Variants in RASGEF1A observed in about 807,000 individuals in gnomAD.
RASGEF1A encodes the protein ras-GEF domain-containing family member 1A.
Under a neutral mutation model 56.4 loss-of-function variants are expected in RASGEF1A, and 18 were observed. The ratio of observed to expected loss-of-function variants is 0.32; its 90% CI spans 0.22 to 0.47. RASGEF1A has a LOEUF of 0.47. Among genes scored for constraint, RASGEF1A ranks in the 20% least tolerant of loss-of-function variants. RASGEF1A has a pLI of 1.00. For missense variants in RASGEF1A, 422 were observed against 627.1 expected (o/e 0.67, Z 3.49); for synonymous variants, 245 against 242.6 (o/e 1.01, Z -0.09).
intron 2 of RASGEF1A, chr10:43,203,657 C>T: frequency 1.6e-6 from 2 of 1,220,732 alleles, no homozygotes; most frequent in Non-Finnish European, 1.1e-6. Context: ...CTCTCCCAGG[C>T]CTCCTAGCAG....
In RASGEF1A at chr10:43,197,062, A is replaced by C. The variant is rs75146387; in HGVS notation, c.1262T>G (p.Met421Arg). 2.9e-4 allele frequency: 468 copies of C among 1,613,994 alleles called. 2 individuals are homozygous for C. The African/African-American group carries it at 5.8e-3, about 20-fold the overall frequency. ...AGGACACTCTACCTGTGTCCATGTCATGAACTCATGGATCTGTCTGGAGAT... is the reference window on the plus strand; with the variant it reads ...AGGACACTCTACCTGTGTCCATGTCCTGAACTCATGGATCTGTCTGGAGAT... ...WEISRQIHEF[M>R]TWTQVECPFE... The change falls in exon 11 of 13, where the codon ATG (methionine) becomes AGG (arginine). Residue 421 changes from methionine (M) to arginine (R), a missense_variant. This residue lies in a region of RASGEF1A where 149 missense variants were observed against 287.2 expected (regional missense o/e 0.52). Transcript: ENST00000395810.
intron 1 of RASGEF1A, among the ~76,000 whole-genome samples, chr10:43,238,423 CT>C (rs1224963447): frequency 6.6e-6 from 1 of 152,230 alleles, no homozygotes; most frequent in Non-Finnish European, 1.5e-5. Context: ...AACTGCAGTA[CT>C]TTAGATAGCT....
chr10:43,250,064 A>G (rs1016085882), intron 1 of RASGEF1A, among the ~76,000 whole-genome samples: 2 of 152,202 alleles, frequency 1.3e-5, no homozygotes, highest in African/African-American at 4.8e-5. Flanking sequence ...AGCTGGCAAA[A>G]GCCCTTCACC....
chr10:43,198,849 C>G, intron 9 of RASGEF1A, 84 bp downstream of exon 9: 3 of 1,280,476 alleles, frequency 2.3e-6, no homozygotes, highest in Non-Finnish European at 3.4e-6. Context: ...GGCAGCCCCC[C>G]ACCCCCACTG....
chr10:43,203,123 C>T (rs1158796111), intron 3 of RASGEF1A, among the ~76,000 whole-genome samples, 175 bp downstream of exon 3: 1 of 148,274 alleles, frequency 6.7e-6, no homozygotes, highest in East Asian at 2.0e-4. Context: ...TGACCCCACC[C>T]CCTGGCCCCA....
At chr10:43,248,047 A>G (rs1448506853) in intron 1 of RASGEF1A, among the ~76,000 whole-genome samples, 1 of 114,002 alleles carries the variant, frequency 8.8e-6, no homozygotes, top group Non-Finnish European at 1.8e-5. Flanking sequence ...TTTATAAAAA[A>G]TAAGATTAAA....
intron 1 of RASGEF1A, among the ~76,000 whole-genome samples, chr10:43,233,682 T>C (rs1840398802): frequency 2.6e-5 from 4 of 152,154 alleles, no homozygotes; most frequent in African/African-American, 9.7e-5. Context: ...CAGGGTCAGC[T>C]GGTGCAGCCA....
rs781316521 is a variant in RASGEF1A at position 43,200,729 on chromosome 10, CCTT to C, written c.616_618del (p.Lys206del). On this transcript the variant is annotated inframe_deletion, in exon 5 of 13. Transcript: ENST00000395810. Reference sequence around the variant, plus strand: ...GGGTCGCAGCACACGCCCAGGATGTCCTTCTGGGCGGCTGGTGGCTTGGTCTTG... The same window carrying C: ...GGGTCGCAGCACACGCCCAGGATGTCCTGGGCGGCTGGTGGCTTGGTCTTG... 9 of 1,613,682 alleles carry C rather than the reference CCTT, an allele frequency of 5.6e-6. No individual in the cohort carries two copies.
intron 1 of RASGEF1A, among the ~76,000 whole-genome samples, chr10:43,239,037 C>T (rs1418606068): frequency 6.6e-6 from 1 of 152,206 alleles, no homozygotes; most frequent in Non-Finnish European, 1.5e-5. Flanking sequence ...GAATGATGCC[C>T]TGTAGTTTCT....
chr10:43,266,885 C>G lies in RASGEF1A; in HGVS notation c.-47G>C, dbSNP rs1011094199. On this transcript the variant is annotated 5_prime_UTR_variant, in exon 1 of 13. Coordinates refer to ENST00000395810, the MANE Select transcript of RASGEF1A (RefSeq NM_145313.4). ...CGTCGCTCCCGCGCCGCCCTCGCGC[C>G]GCAGTCGGGCCCCGAGCAGCGCGCG... The G allele has an allele frequency of 2.9e-4, 43 of 145,996 alleles. No homozygotes were observed. The highest frequency in any genetic ancestry group is 9.8e-4 in the African/African-American group (40 of 40,824). The allele number at this position is 145,996 out of a possible 1,614,324, so 9.0% of individuals were successfully genotyped here.
intron 1 of RASGEF1A, among the ~76,000 whole-genome samples, chr10:43,234,439 G>A (rs1280087827): frequency 6.6e-6 from 1 of 152,156 alleles, no homozygotes; most frequent in African/African-American, 2.4e-5. Context: ...CAAGTGAGAG[G>A]CATCCACTGG....
intron 1 of RASGEF1A, among the ~76,000 whole-genome samples, chr10:43,263,476 C>T (rs1303146330): frequency 6.6e-6 from 1 of 152,198 alleles, no homozygotes; most frequent in Non-Finnish European, 1.5e-5. Flanking sequence ...GTCAACCGGA[C>T]AGCCACATCT....
At chr10:43,241,922 G>A (rs1036103710) in intron 1 of RASGEF1A, among the ~76,000 whole-genome samples, 7 of 152,198 alleles carry the variant, frequency 4.6e-5, no homozygotes, top group Admixed American at 2.0e-4. Context: ...TGGATCACGA[G>A]GTCAGGAGAT....
chr10:43,247,011 C>T (rs35096748), intron 1 of RASGEF1A, among the ~76,000 whole-genome samples: 8,748 of 152,214 alleles, frequency 0.057, 334 homozygotes, highest in Non-Finnish European at 0.087. Flanking sequence ...AAAATATTTG[C>T]ATGCCATATA....
intron 1 of RASGEF1A, among the ~76,000 whole-genome samples, chr10:43,254,224 C>A (rs962273651): frequency 5.9e-5 from 9 of 152,224 alleles, no homozygotes; most frequent in Admixed American, 2.6e-4. Flanking sequence ...ACAGAGGGGG[C>A]CTTCAGGGTC....
intron 1 of RASGEF1A, among the ~76,000 whole-genome samples, chr10:43,228,869 CTGAG>C (rs1341587052): frequency 6.6e-6 from 1 of 152,244 alleles, no homozygotes; most frequent in Admixed American, 6.5e-5. Context: ...TAAATGCATG[CTGAG>C]TAAGTGAAAG....
At chr10:43,200,977 T>C in intron 4 of RASGEF1A, 89 bp from the exon 5 acceptor site, 3 of 1,238,388 alleles carry the variant, frequency 2.4e-6, no homozygotes, top group Non-Finnish European at 3.5e-6. Context: ...CCTCCAGGGA[T>C]GTGCCTAACC....
Position 43,200,585 on chromosome 10 carries a change from C to G in RASGEF1A, c.681+82G>C, listed in dbSNP as rs1035016528. On this transcript the variant is annotated intron_variant, in intron 5 of 12. Transcript: ENST00000395810. Reference sequence around the variant, plus strand: ...TTCCCTGATGGCTCAGTGTGACTAGCAGGGGCCTGAAGTGCTGTGCTGAAA... The same window carrying G: ...TTCCCTGATGGCTCAGTGTGACTAGGAGGGGCCTGAAGTGCTGTGCTGAAA... 12 of 1,244,994 alleles carry G rather than the reference C, an allele frequency of 9.6e-6. No individual in the cohort carries two copies. In the African/African-American group the frequency reaches 1.6e-4, roughly 17 times the overall value. The allele number at this position is 1,244,994 out of a possible 1,614,324, so 77.1% of individuals were successfully genotyped here.
At chr10:43,203,533 G>A (rs1177545499) in intron 2 of RASGEF1A, 113 bp from the exon 3 acceptor site, 1 of 1,411,530 alleles carries the variant, frequency 7.1e-7, no homozygotes, top group African/African-American at 1.5e-5. Flanking sequence ...CGCCGGTCCC[G>A]AGGCCATGCC....
Sources: gnomAD v4.1 joint callset for allele counts (sites outside exome capture counted in the v4.1 genomes callset) on GRCh38, gnomAD v4.1.1 for gene constraint, gnomAD v4.1.1 regional missense constraint, MANE v1.5 for transcripts, NCBI Gene and HGNC (gene_info 2026-07-23, HGNC 2026-07-21) for gene names.